Variants in INPP5B observed in about 807,000 individuals in gnomAD.
INPP5B encodes inositol polyphosphate-5-phosphatase B.
In INPP5B, 90 loss-of-function variants were observed where a neutral mutation model predicts 118.5. The ratio of observed to expected loss-of-function variants is 0.76; its 90% CI spans 0.64 to 0.90. The LOEUF (loss-of-function observed/expected upper bound fraction) is 0.90. Ranked by LOEUF, INPP5B falls within the 40% of genes least tolerant of loss-of-function variation. The pLI is 0.00. For missense variants in INPP5B, 984 were observed against 1,125.6 expected (o/e 0.87, Z 1.80); for synonymous variants, 385 against 418.9 (o/e 0.92, Z 0.99).
At chr1:37,862,522 G>A (rs1641760840) in intron 23 of INPP5B, 92 bp from the exon 24 acceptor site, 1 of 783,144 alleles carries the variant, frequency 1.3e-6, no homozygotes, top group Non-Finnish European at 2.2e-6. Context: ...TCTGAGAAAT[G>A]TGTCATTAGG....
chr1:37,924,176 C>CTT (rs535858609), intron 7 of INPP5B, among the ~76,000 whole-genome samples: 1 of 138,206 alleles, frequency 7.2e-6, no homozygotes. Flanking sequence ...ATTTCTTTTT[C>CTT]TTTTTTTTTT....
At chr1:37,941,958 A>AAAAAAAAAAAAATATATATAT (rs1427344681) in intron 5 of INPP5B, 2 of 30,386 alleles carry the variant, frequency 6.6e-5, no homozygotes, top group Non-Finnish European at 1.3e-4. Context: ...AAAAAAAAAA[A>AAAAAAAAAAAAATATATATAT]ATATATATAT....
intron 19 of INPP5B, among the ~76,000 whole-genome samples, chr1:37,869,741 A>G (rs1386396531): frequency 6.6e-6 from 1 of 151,748 alleles, no homozygotes; most frequent in Non-Finnish European, 1.5e-5. Flanking sequence ...CAGCCTCCCA[A>G]AGTTCTGGGA....
chr1:37,863,816 CTT>C (rs1250313560), intron 23 of INPP5B, among the ~76,000 whole-genome samples: 18 of 137,734 alleles, frequency 1.3e-4, no homozygotes, highest in Non-Finnish European at 7.9e-5. Flanking sequence ...CATGACTATA[CTT>C]TTTTTTTTTT....
intron 7 of INPP5B, among the ~76,000 whole-genome samples, chr1:37,916,736 C>T (rs1033485696): frequency 1.3e-5 from 2 of 152,122 alleles, no homozygotes; most frequent in Non-Finnish European, 2.9e-5. Flanking sequence ...TTTTCTAAAA[C>T]ATGCCATCAT....
chr1:37,874,085 G>T lies in INPP5B; in HGVS notation c.1859C>A (p.Pro620His). 1 of 1,606,586 alleles carries T rather than the reference G, an allele frequency of 6.2e-7. No homozygotes were observed. The highest frequency in any genetic ancestry group is 1.7e-5 in the Admixed American group (1 of 59,896). ...ESFTIHNGQV[P>H]CHFEFINKPD... is the part of the protein sequence containing the mutation. ...CTTGTTGATGAATTCAAAATGACAG[G>T]GTACTTGTCCATTATGAATTGTAAA... is the stretch of plus-strand genomic sequence containing the variant. Residue 620 changes from proline (P) to histidine (H), a missense_variant, in exon 18 of 24, where the codon CCC (proline) becomes CAC (histidine). Pro to His is a moderately conservative substitution (Grantham distance 77). Around this residue, in one of 2 missense-constraint regions of INPP5B, gnomAD observed 634 missense variants for 791.0 expected, o/e 0.80. Coordinates refer to ENST00000373024, the MANE Select transcript of INPP5B (RefSeq NM_005540.3).
intron 7 of INPP5B, among the ~76,000 whole-genome samples, chr1:37,921,698 T>C (rs1035125765): frequency 6.6e-6 from 1 of 151,826 alleles, no homozygotes; most frequent in Non-Finnish European, 1.5e-5. Context: ...AATACAAAAA[T>C]TTTTTAAAAA....
intron 13 of INPP5B, chr1:37,883,790 C>G: frequency 1.0e-6 from 1 of 985,418 alleles, no homozygotes; most frequent in Non-Finnish European, 1.2e-6. Flanking sequence ...CCAGATAGTT[C>G]CACCTCGGCA....
chr1:37,866,406 T>TCTCTCTCTCTCTCA (rs748938943), intron 21 of INPP5B, 53 bp downstream of exon 21: 20 of 404,400 alleles, frequency 4.9e-5, no homozygotes, highest in Middle Eastern at 4.3e-4. Context: ...TCTCTCTCTC[T>TCTCTCTCTCTCTCA]CACACACACA....
At chr1:37,921,655 TGGC>T (rs1248812030) in intron 7 of INPP5B, among the ~76,000 whole-genome samples, 1 of 151,828 alleles carries the variant, frequency 6.6e-6, no homozygotes, top group Non-Finnish European at 1.5e-5. Context: ...GAGACCAGTC[TGGC>T]CAACGTGGTG....
At chr1:37,905,996 G>T (rs1644490599) in intron 7 of INPP5B, among the ~76,000 whole-genome samples, 2 of 152,146 alleles carry the variant, frequency 1.3e-5, no homozygotes. Context: ...TCAGAATTTG[G>T]AAACTATTTG....
intron 7 of INPP5B, among the ~76,000 whole-genome samples, chr1:37,896,897 A>G: frequency 8.4e-6 from 1 of 118,484 alleles, no homozygotes; most frequent in African/African-American, 3.2e-5. Context: ...CCCATCCGGG[A>G]AGTGAGGGGC....
chr1:37,883,112 G>C, intron 13 of INPP5B, 194 bp from the exon 14 acceptor site: 2 of 985,170 alleles, frequency 2.0e-6, no homozygotes, highest in Non-Finnish European at 2.4e-6. Context: ...CAATTATCTT[G>C]GTCCAAGTTC....
chr1:37,906,241 A>G (rs1265442204), intron 7 of INPP5B, among the ~76,000 whole-genome samples: 1 of 152,206 alleles, frequency 6.6e-6, no homozygotes, highest in Non-Finnish European at 1.5e-5. Context: ...ACCTGTGGTA[A>G]TTAAAGAATG....
intron 9 of INPP5B, among the ~76,000 whole-genome samples, chr1:37,889,328 C>T (rs1366429506): frequency 6.6e-6 from 1 of 152,186 alleles, no homozygotes; most frequent in African/African-American, 2.4e-5. Flanking sequence ...TAACTATCTG[C>T]AAGTCGTGTC....
chr1:37,894,480 A>G (rs1483379366), intron 7 of INPP5B, among the ~76,000 whole-genome samples: 2 of 152,036 alleles, frequency 1.3e-5, no homozygotes. Context: ...CACCCAGCAC[A>G]TTATAGGCAG....
At chr1:37,886,182 C>G (rs1457940668) in intron 12 of INPP5B, among the ~76,000 whole-genome samples, 1 of 149,142 alleles carries the variant, frequency 6.7e-6, no homozygotes, top group East Asian at 2.0e-4. Context: ...ATCTCAAAAA[C>G]AAACAAACAA....
At chr1:37,868,267 C>T (rs1434087928) in intron 20 of INPP5B, among the ~76,000 whole-genome samples, 1 of 148,678 alleles carries the variant, frequency 6.7e-6, no homozygotes, top group Non-Finnish European at 1.5e-5. Context: ...GAGTCAAGAT[C>T]GCACCATTGC....
At position 37,878,188 on chromosome 1, in the gene INPP5B, C is replaced by A. The variant is rs768949615; in HGVS notation, c.1677G>T (p.Gly559=). The change falls in exon 16 of 24, where the codon GGG becomes GGT. Residue 559 remains glycine, a splice_region_variant and synonymous_variant. Transcript: ENST00000373024. The part of the protein sequence containing the change: ...HKPVSSVFDI[G]VRVVNDELYR... The stretch of plus-strand genomic sequence containing the variant: ...ACAACAGGTACCAGCTGCCACCTAC[C>A]CCGATGTCAAACACTGAGCTGACAG... 1.9e-6 allele frequency: 3 copies of A among 1,613,770 alleles called. No individual in the cohort carries two copies. The highest frequency in any genetic ancestry group is 1.7e-5 in the Admixed American group (1 of 59,988).
Sources: allele counts gnomAD v4.1 joint callset (sites outside exome capture counted in the v4.1 genomes callset), GRCh38; gene constraint gnomAD v4.1.1; regional missense constraint gnomAD v4.1.1; transcripts MANE v1.5; gene names NCBI Gene and HGNC (gene_info 2026-07-23, HGNC 2026-07-21).